The following ZNF790 variants were observed in gnomAD, a reference collection of about 807,000 sequenced individuals.
ZNF790 encodes the protein zinc finger protein 790.
In ZNF790, 8 loss-of-function variants were observed where a neutral mutation model predicts 12.1. The ratio of observed to expected loss-of-function variants is 0.66; its 90% CI spans 0.39 to 1.19. The LOEUF is 1.19. ZNF790 is among the 50% of genes most tolerant of loss of function. The pLI is 0.01. For synonymous variants in ZNF790, 252 were observed against 244.3 expected (o/e 1.03, Z -0.29); for missense variants, 707 against 752.2 (o/e 0.94, Z 0.70).
chr19:36,831,898 A>T (rs1568339952), intron 1 of ZNF790, among the ~76,000 whole-genome samples: 1 of 152,218 alleles, frequency 6.6e-6, no homozygotes, highest in Non-Finnish European at 1.5e-5. Flanking sequence ...TAATAAAATT[A>T]GACTAAAACT....
At position 36,823,296 on chromosome 19, in the gene ZNF790, C is replaced by A; in HGVS notation, c.218G>T (p.Gly73Val). 1 of 1,614,028 alleles carries A rather than the reference C, an allele frequency of 6.2e-7. No homozygotes were observed. The highest frequency in any genetic ancestry group is 8.5e-7 in the Non-Finnish European group (1 of 1,179,972). Residue 73 changes from glycine (G) to valine (V), a missense_variant, in exon 4 of 5, where the codon GGA becomes GTA. By Grantham distance (109) the Gly-to-Val change is moderately radical (BLOSUM62 -3). Transcript: ENST00000356725. Reference protein sequence around the residue: ...PWKILRDETRGPCPDMQSRCQ... With the variant: ...PWKILRDETRVPCPDMQSRCQ... ...CAGCCCTCACTCACCTGGGCAAGGT[C>A]CTCTTGTCTCATCCCTCAAAATCTT...
At chr19:36,821,610 G>A (rs2071673468) in intron 4 of ZNF790, among the ~76,000 whole-genome samples, 1 of 151,956 alleles carries the variant, frequency 6.6e-6, no homozygotes, top group Admixed American at 6.6e-5. Context: ...TTGAGATGGA[G>A]TCTCACTCTG....
At chr19:36,845,286 C>T (rs933574627) in intron 1 of ZNF790, among the ~76,000 whole-genome samples, 1 of 151,558 alleles carries the variant, frequency 6.6e-6, no homozygotes, top group African/African-American at 2.4e-5. Flanking sequence ...CGTGGTGGCG[C>T]ACACCTGCGG....
At chr19:36,847,886 G>A (rs1034058228) in intron 1 of ZNF790, among the ~76,000 whole-genome samples, 3 of 152,142 alleles carry the variant, frequency 2.0e-5, no homozygotes, top group Non-Finnish European at 4.4e-5. Context: ...GACATGTGGG[G>A]ACACAGCATT....
rs754157034 is a variant in ZNF790 at position 36,819,945 on chromosome 19, A to G, written c.399T>C (p.Asn133=). ...GNTQFQTLQD[N]QEECFKQVIR... is the part of the protein sequence containing the mutation. Reference sequence around the variant, plus strand: ...TCACCTGCTTGAAGCATTCCTCTTGATTATCTTGAAGTGTTTGAAACTGAG... The same window carrying G: ...TCACCTGCTTGAAGCATTCCTCTTGGTTATCTTGAAGTGTTTGAAACTGAG... The change falls in exon 5 of 5, where the codon AAT becomes AAC. Residue 133 remains asparagine, a synonymous_variant. Transcript: ENST00000356725. 17 of 1,613,922 alleles carry G rather than the reference A, an allele frequency of 1.1e-5. No individual in the cohort carries two copies. In the Admixed American group the frequency reaches 2.8e-4, roughly 27 times the overall value.
At position 36,819,298 on chromosome 19, in the gene ZNF790, C is replaced by G; in HGVS notation, c.1046G>C (p.Arg349Pro). Reference protein sequence around the residue: ...ECKECGKAFTRGSHLTQHQRI... With the variant: ...ECKECGKAFTPGSHLTQHQRI... ...CTGATGCTGAGTTAGGTGTGATCCA[C>G]GAGTAAAAGCTTTCCCACACTCCTT... is the stretch of plus-strand genomic sequence containing the variant. Residue 349 changes from arginine (R) to proline (P), a missense_variant, in exon 5 of 5, where the codon CGT becomes CCT. Arg to Pro is a moderately radical substitution (Grantham distance 103). Transcript: ENST00000356725. 6.2e-7 allele frequency: 1 copy of G among 1,610,310 alleles called. No individual in the cohort carries two copies. Among genetic ancestry groups the G allele is most frequent in the Non-Finnish European group, 8.5e-7 (1 of 1,177,890 alleles).
Position 36,818,706 on chromosome 19 carries a change from A to G in ZNF790, c.1638T>C (p.Gly546=), listed in dbSNP as rs1157685721. 3 of 1,613,478 alleles carry G rather than the reference A, an allele frequency of 1.9e-6. No homozygotes were observed. In the South Asian group the frequency reaches 3.3e-5, roughly 18 times the overall value. Residue 546 remains glycine, a synonymous_variant, in exon 5 of 5, where the codon GGT becomes GGC. Transcript: ENST00000356725. The part of the protein sequence containing the change: ...CKECGKSFIW[G]SQLTRHKKIH... The stretch of plus-strand genomic sequence containing the variant: ...TTTTCTTATGTCGTGTAAGCTGTGA[A>G]CCCCAGATAAAAGATTTCCCACATT...
rs1479201449 is a variant in ZNF790 at position 36,818,857 on chromosome 19, T to C, written c.1487A>G (p.His496Arg). ...TFFRGSELNR[H>R]QKIHTGKRPY... ...CCTCTTTCCAGTATGAATTTTCTGG[T>C]GTCGATTAAGTTCTGAACCACGAAA... is the stretch of plus-strand genomic sequence containing the variant. Residue 496 changes from histidine to arginine, a missense_variant, in exon 5 of 5, where the codon CAC becomes CGC. His to Arg is a conservative substitution (Grantham distance 29). Coordinates refer to ENST00000356725, the MANE Select transcript of ZNF790 (RefSeq NM_206894.4). 1.2e-6 allele frequency: 2 copies of C among 1,613,584 alleles called. No individual in the cohort carries two copies. The highest frequency in any genetic ancestry group is 1.7e-6 in the Non-Finnish European group (2 of 1,179,898).
rs1467721996 is a variant in ZNF790, at chr19:36,817,776, A to C, written c.*657T>G. 1 of 152,184 alleles carries C rather than the reference A, an allele frequency of 6.6e-6. No individual in the cohort carries two copies. Among genetic ancestry groups the C allele is most frequent in the Admixed American group, 6.5e-5 (1 of 15,282 alleles). 9.4% of individuals were successfully genotyped at this position (152,184 alleles called of 1,614,324 possible). On this transcript the variant is annotated 3_prime_UTR_variant, in exon 5 of 5. Coordinates refer to ENST00000356725, the MANE Select transcript of ZNF790 (RefSeq NM_206894.4). ...ATGATTTTTGTGGAAATACAACAGA[A>C]TTTTGCTAATGATGAAAGATTTCCA...
In ZNF790 at chr19:36,831,282, T is replaced by C. The variant is rs1224067156; in HGVS notation, c.-73-5590A>G. Among the ~76,000 whole-genome samples, 3 of 151,824 alleles carry C rather than the reference T, an allele frequency of 2.0e-5. No homozygotes were observed. The East Asian group carries it at 5.8e-4, about 29-fold the overall frequency. ...TTCAGTCTGAATTAAAAAAAAAGTA[T>C]GATGCAATTGCAGCTCTAAAAGCAG... is the stretch of plus-strand genomic sequence containing the variant. On this transcript the variant is annotated intron_variant, in intron 1 of 4. Transcript: ENST00000356725.
In ZNF790 at chr19:36,823,808, T is replaced by A. The variant is rs763906519; in HGVS notation, c.10-18A>T. On this transcript the variant is annotated intron_variant, in intron 2 of 4. Coordinates refer to ENST00000356725, the MANE Select transcript of ZNF790 (RefSeq NM_206894.4). ...ATCATCAACTGTTGGAAAGAATAAT[T>A]CCAAGTATTAATGGTGAAATTTTTA... 6.3e-7 allele frequency: 1 copy of A among 1,587,308 alleles called. No homozygotes were observed.
chr19:36,848,639 TTTTG>T (rs140354605), intron 1 of ZNF790, among the ~76,000 whole-genome samples: 8,854 of 152,040 alleles, frequency 0.058, 833 homozygotes, highest in African/African-American at 0.2. Context: ...TTTTGGGTCT[TTTTG>T]TTTGTTTGTT....
At chr19:36,843,280 C>T (rs761522832), upstream of ZNF790, among the ~76,000 whole-genome samples, 59 of 152,326 alleles carry the variant, frequency 3.9e-4, no homozygotes, top group Middle Eastern at 3.4e-3. Context: ...CTTCTCAAGA[C>T]AGTTACCCAT....
In ZNF790 at chr19:36,818,798, G is replaced by C. The variant is rs1174963794; in HGVS notation, c.1546C>G (p.Leu516Val). Reference sequence around the variant, plus strand: ...TGTCGAGTAAGTTGTGAACCCCAGAGAAAGGCTTTTCCACATTCTTCACAT... The same window carrying C: ...TGTCGAGTAAGTTGTGAACCCCAGACAAAGGCTTTTCCACATTCTTCACAT... Reference protein sequence around the residue: ...YECEECGKAFLWGSQLTRHQR... With the variant: ...YECEECGKAFVWGSQLTRHQR... Residue 516 changes from leucine to valine, a missense_variant, in exon 5 of 5, where the codon CTC (leucine) becomes GTC (valine). By Grantham distance (32) the Leu-to-Val change is conservative (BLOSUM62 1). Coordinates refer to ENST00000356725, the MANE Select transcript of ZNF790 (RefSeq NM_206894.4). The C allele has an allele frequency of 3.1e-6, 5 of 1,610,730 alleles. No individual in the cohort carries two copies. The South Asian group carries it at 5.5e-5, about 18-fold the overall frequency.
chr19:36,843,090 G>C (rs1600674402), upstream of ZNF790, among the ~76,000 whole-genome samples: 1 of 151,846 alleles, frequency 6.6e-6, no homozygotes, highest in East Asian at 1.9e-4. Flanking sequence ...GGTAATCACA[G>C]ACATTGTGCA....
At position 36,819,440 on chromosome 19, in the gene ZNF790, T is replaced by A. The variant is rs1044077496; in HGVS notation, c.904A>T (p.Arg302Ter). The change falls in exon 5 of 5, where the codon AGA (arginine) becomes TGA (stop). Residue 302 changes from arginine (R) to a stop codon, truncating the protein, a stop_gained. Coordinates refer to ENST00000356725, the MANE Select transcript of ZNF790 (RefSeq NM_206894.4). LOFTEE classifies it low-confidence loss of function (END_TRUNC). ...SCGSDLTRHQ[R>*]IHTGEKPYEC... ...TAGGGTTTTTCACCAGTATGAATTC[T>A]CTGATGTCGAGTAAGATCTGAGCCA... 48 of 1,610,430 alleles carry A rather than the reference T, an allele frequency of 3.0e-5. No homozygotes were observed. The highest frequency in any genetic ancestry group is 1.7e-4 in the Middle Eastern group (1 of 6,058).
chr19:36,826,720 A>G (rs2071812073), intron 1 of ZNF790, among the ~76,000 whole-genome samples: 1 of 150,794 alleles, frequency 6.6e-6, no homozygotes, highest in Non-Finnish European at 1.5e-5. Context: ...TGCAAGACCT[A>G]CTATCAAGGA....
chr19:36,835,391 CAAAT>C (rs1159192122), intron 1 of ZNF790, among the ~76,000 whole-genome samples: 1 of 152,182 alleles, frequency 6.6e-6, no homozygotes, highest in East Asian at 1.9e-4. Flanking sequence ...TGTTAGATCA[CAAAT>C]AAAAGTTCAC....
In ZNF790 at chr19:36,823,410, C is replaced by T. The variant is rs781653249; in HGVS notation, c.134-30G>A. On this transcript the variant is annotated intron_variant, in intron 3 of 4. Transcript: ENST00000356725. ...CCAGAAGATGAGAAACAGCAAAGAA[C>T]CACATTGTAAAGATTCTAAAATTTG... 2.4e-5 allele frequency: 39 copies of T among 1,599,016 alleles called. No individual in the cohort carries two copies. In the East Asian group the frequency reaches 8.7e-4, roughly 36 times the overall value.
Sources: allele counts gnomAD v4.1 joint callset (sites outside exome capture counted in the v4.1 genomes callset), GRCh38; gene constraint gnomAD v4.1.1; transcripts MANE v1.5; gene names NCBI Gene and HGNC (gene_info 2026-07-23, HGNC 2026-07-21).